CSTPP1: variants seen among roughly 807,000 people sequenced by gnomAD.
The protein encoded by CSTPP1 is UPF0705 protein C11orf49.
the CSTPP1 span, among the ~76,000 whole-genome samples, chr11:46,947,445 C>A: frequency 6.6e-6 from 1 of 152,214 alleles, no homozygotes; most frequent in Non-Finnish European, 1.5e-5. Flanking sequence ...ACTGAACTTA[C>A]AAATTACTGA....
chr11:47,110,983 G>A, the CSTPP1 span, among the ~76,000 whole-genome samples: 1 of 147,676 alleles, frequency 6.8e-6, no homozygotes, highest in Non-Finnish European at 1.5e-5. Context: ...TCCGCCTCCC[G>A]GGTTCACGCC....
At chr11:47,083,071 T>TCC in the CSTPP1 span, among the ~76,000 whole-genome samples, 2 of 151,522 alleles carry the variant, frequency 1.3e-5, no homozygotes, top group Non-Finnish European at 2.9e-5. Flanking sequence ...TATGTGTTGT[T>TCC]CCCCTCCCTG....
the CSTPP1 span, among the ~76,000 whole-genome samples, chr11:46,965,491 T>C: frequency 6.6e-6 from 1 of 152,072 alleles, no homozygotes; most frequent in South Asian, 2.1e-4. Context: ...TCCCAAAGTG[T>C]TAGGATTACA....
the CSTPP1 span, among the ~76,000 whole-genome samples, chr11:46,988,740 A>G: frequency 6.6e-6 from 1 of 152,214 alleles, no homozygotes; most frequent in African/African-American, 2.4e-5. Flanking sequence ...TTTGTAACAC[A>G]AAGGAAAAAT....
chr11:47,054,404 C>T, the CSTPP1 span, among the ~76,000 whole-genome samples: 1 of 151,686 alleles, frequency 6.6e-6, no homozygotes, highest in Non-Finnish European at 1.5e-5. Flanking sequence ...CTTGAGCTTC[C>T]AGGCTCAAGT....
At chr11:47,037,392 A>AT in the CSTPP1 span, among the ~76,000 whole-genome samples, 3 of 116,694 alleles carry the variant, frequency 2.6e-5, no homozygotes, top group East Asian at 2.2e-4. Context: ...TATTATTATT[A>AT]TTTTTTTTTT....
the CSTPP1 span, among the ~76,000 whole-genome samples, chr11:46,976,118 A>G: frequency 6.6e-6 from 1 of 152,274 alleles, no homozygotes; most frequent in South Asian, 2.1e-4. Flanking sequence ...ATTGTTTTCT[A>G]ACATGTAGGC....
the CSTPP1 span, among the ~76,000 whole-genome samples, chr11:47,142,035 G>T: frequency 6.7e-6 from 1 of 149,944 alleles, no homozygotes; most frequent in African/African-American, 2.5e-5. Context: ...ACGAGGTCAA[G>T]AGATCGAGAC....
the CSTPP1 span, among the ~76,000 whole-genome samples, chr11:47,081,043 A>G: frequency 6.6e-6 from 1 of 152,010 alleles, no homozygotes; most frequent in African/African-American, 2.4e-5. Context: ...ACCTAGGAAG[A>G]AATGTAACAA....
At chr11:47,019,442 T>G in the CSTPP1 span, among the ~76,000 whole-genome samples, 2 of 152,208 alleles carry the variant, frequency 1.3e-5, no homozygotes, top group African/African-American at 4.8e-5. Context: ...GCTTAATAAT[T>G]TCTAGCTTTT....
chr11:47,161,682 A>C, the CSTPP1 span: 1 of 1,554,372 alleles, frequency 6.4e-7, no homozygotes, highest in South Asian at 1.2e-5. Flanking sequence ...ACCTGCTCCC[A>C]CCCAGCCCTT....
the CSTPP1 span, among the ~76,000 whole-genome samples, chr11:47,116,773 G>A: frequency 8.1e-5 from 11 of 135,372 alleles, no homozygotes; most frequent in South Asian, 5.1e-4. Flanking sequence ...TCCGCCTCCC[G>A]GGTTCACGCC....
At chr11:47,141,922 G>C in the CSTPP1 span, among the ~76,000 whole-genome samples, 1 of 91,482 alleles carries the variant, frequency 1.1e-5, no homozygotes, top group African/African-American at 4.7e-5. Context: ...AACAGAGCTA[G>C]ACTCTGTCTC....
chr11:47,038,412 G>A, the CSTPP1 span, among the ~76,000 whole-genome samples: 1 of 94,678 alleles, frequency 1.1e-5, no homozygotes, highest in Non-Finnish European at 2.6e-5. Flanking sequence ...CCGGGCAGAG[G>A]CGCCCCTCAC....
At chr11:47,069,128 G>T in the CSTPP1 span, among the ~76,000 whole-genome samples, 1 of 152,208 alleles carries the variant, frequency 6.6e-6, no homozygotes, top group African/African-American at 2.4e-5. Context: ...AACTTTTATA[G>T]AAACTTCTAA....
At chr11:47,139,985 CT>C in the CSTPP1 span, among the ~76,000 whole-genome samples, 7 of 152,134 alleles carry the variant, frequency 4.6e-5, no homozygotes, top group Non-Finnish European at 8.8e-5. Context: ...CACCTCGCTC[CT>C]TTTGAAATGT....
the CSTPP1 span, among the ~76,000 whole-genome samples, chr11:47,039,719 G>T: frequency 1.6e-5 from 2 of 128,128 alleles, 1 homozygote; most frequent in South Asian, 4.9e-4. Flanking sequence ...GGCGCCTGTA[G>T]TCCCAGCTAC....
At chr11:47,149,188 C>T in the CSTPP1 span, among the ~76,000 whole-genome samples, 25 of 152,350 alleles carry the variant, frequency 1.6e-4, no homozygotes, top group East Asian at 1.9e-4. Context: ...AGTGCCTCTA[C>T]TTCTCCCCAA....
the CSTPP1 span, among the ~76,000 whole-genome samples, chr11:47,020,309 A>C: frequency 1.3e-5 from 2 of 152,198 alleles, no homozygotes; most frequent in African/African-American, 4.8e-5. Flanking sequence ...ATATCTAATA[A>C]TTTTTTATAA....
Sources: gnomAD v4.1 joint callset for allele counts (sites outside exome capture counted in the v4.1 genomes callset) on GRCh38, gnomAD v4.1.1 for gene constraint, MANE v1.5 for transcripts, NCBI Gene and HGNC (gene_info 2026-07-23, HGNC 2026-07-21) for gene names.